Variants in CATSPERB observed in about 807,000 individuals in gnomAD.
The protein encoded by CATSPERB is catsper channel auxiliary subunit beta, also known as cation channel sperm-associated auxiliary subunit beta.
Under a neutral mutation model 128.3 loss-of-function variants are expected in CATSPERB, and 93 were observed. That is an observed-to-expected ratio of 0.72 (90% CI 0.61 to 0.86). The LOEUF (loss-of-function observed/expected upper bound fraction) is 0.86. CATSPERB is among the 40% of genes least tolerant of loss of function. CATSPERB has a pLI of 0.00. For synonymous variants in CATSPERB, 381 were observed against 448.8 expected, an observed-to-expected ratio of 0.85 and a Z score of 1.91; for missense variants, 1,153 against 1,329.5, an observed-to-expected ratio of 0.87 and a Z score of 2.06.
At chr14:91,728,066 T>C (rs1214626868) in intron 2 of CATSPERB, among the ~76,000 whole-genome samples, 1 of 152,186 alleles carries the variant, frequency 6.6e-6, no homozygotes, top group African/African-American at 2.4e-5. Flanking sequence ...CTCTACTTCA[T>C]TTTCTGCCTC....
At chr14:91,672,148 TA>T (rs1453505517) in intron 13 of CATSPERB, among the ~76,000 whole-genome samples, 1 of 152,200 alleles carries the variant, frequency 6.6e-6, no homozygotes, top group East Asian at 1.9e-4. Context: ...CTCCTATTAA[TA>T]TTTTTTTTTC....
At position 91,693,471 on chromosome 14, in the gene CATSPERB, T is replaced by C. The variant is rs746838197; in HGVS notation, c.625A>G (p.Ile209Val). 1 of 1,612,992 alleles carries C rather than the reference T, an allele frequency of 6.2e-7. No individual in the cohort carries two copies. Among genetic ancestry groups the C allele is most frequent in the Admixed American group, 1.7e-5 (1 of 59,896 alleles). ...CAGAATCCACCAAAGGTTATGCCTA[T>C]GTAAACACCTACCATGAAACAAAAG... Reference protein sequence around the residue: ...IVDTIVDGVYIGITFGGFWHD... With the variant: ...IVDTIVDGVYVGITFGGFWHD... Residue 209 changes from isoleucine (I) to valine (V), a missense_variant, in exon 8 of 27, where the codon ATA (isoleucine) becomes GTA (valine). Physicochemically the swap from Ile to Val is conservative, Grantham distance 29 (BLOSUM62 3). Transcript: ENST00000256343.
intron 7 of CATSPERB, among the ~76,000 whole-genome samples, chr14:91,693,742 C>A (rs1047744087): frequency 2.0e-5 from 3 of 152,170 alleles, no homozygotes; most frequent in African/African-American, 7.2e-5. Flanking sequence ...CTTAAAATAT[C>A]TTCCAAATTG....
At chr14:91,674,038 A>T (rs1352370263) in intron 12 of CATSPERB, 138 bp downstream of exon 12, 12 of 576,382 alleles carry the variant, frequency 2.1e-5, no homozygotes, top group Non-Finnish European at 3.7e-5. Flanking sequence ...AAACCCAAGT[A>T]GAAACACCAC....
intron 15 of CATSPERB, among the ~76,000 whole-genome samples, chr14:91,650,096 T>C (rs991309035): frequency 2.0e-5 from 3 of 152,198 alleles, no homozygotes; most frequent in Non-Finnish European, 4.4e-5. Context: ...CTTACAATCA[T>C]TGTCAGCCAG....
chr14:91,594,495 A>T (rs950892091), intron 22 of CATSPERB, among the ~76,000 whole-genome samples: 5 of 152,156 alleles, frequency 3.3e-5, no homozygotes, highest in African/African-American at 1.2e-4. Context: ...AAAGAAAAAA[A>T]AAAAAAGAAG....
chr14:91,708,390 T>G (rs1418184874), intron 5 of CATSPERB, among the ~76,000 whole-genome samples, 154 bp from the exon 6 acceptor site: 1 of 152,210 alleles, frequency 6.6e-6, no homozygotes, highest in Admixed American at 6.5e-5. Flanking sequence ...GTTTTCCCTA[T>G]AAACATTTTG....
intron 15 of CATSPERB, among the ~76,000 whole-genome samples, chr14:91,651,542 T>C (rs1340582500): frequency 5.9e-5 from 9 of 152,364 alleles, no homozygotes; most frequent in Admixed American, 2.0e-4. Context: ...TATAGTGTTT[T>C]TACCTACAGT....
chr14:91,685,139 C>T (rs1895351226), intron 10 of CATSPERB, among the ~76,000 whole-genome samples: 1 of 152,130 alleles, frequency 6.6e-6, no homozygotes, highest in Admixed American at 6.5e-5. Context: ...ATTGCCCAGG[C>T]TAGTCTAGAG....
chr14:91,652,670 C>CAAAAAAAAAAAAAAAAAAAA (rs58608847), intron 15 of CATSPERB, among the ~76,000 whole-genome samples: 1 of 69,166 alleles, frequency 1.4e-5, no homozygotes. Flanking sequence ...GACTCTGTCT[C>CAAAAAAAAAAAAAAAAAAAA]AAAAAAAAAA....
intron 18 of CATSPERB, among the ~76,000 whole-genome samples, 183 bp downstream of exon 18, chr14:91,624,637 T>C (rs960862495): frequency 4.6e-5 from 7 of 150,572 alleles, no homozygotes; most frequent in African/African-American, 1.7e-4. Context: ...CGAGACTCCA[T>C]TGCCAAAAAA....
chr14:91,589,610 C>G lies in CATSPERB; in HGVS notation c.2880G>C (p.Glu960Asp), dbSNP rs139866066. Residue 960 changes from glutamate (E) to aspartate (D), a missense_variant, in exon 24 of 27, where the codon GAG (glutamate) becomes GAC (aspartate). By Grantham distance (45) the Glu-to-Asp change is conservative. Coordinates refer to ENST00000256343, the MANE Select transcript of CATSPERB (RefSeq NM_024764.4). ...QYPVSLEIIN[E>D]DGRVPLQSPY... ...GAGATTGCAATGGGACACGTCCATC[C>G]TCGTTGATAATTTCCAAAGAAACTG... The G allele has an allele frequency of 4.0e-4, 647 of 1,613,858 alleles. No individual in the cohort carries two copies. The highest frequency in any genetic ancestry group is 2.2e-3 in the Admixed American group (134 of 60,022).
rs576852771 is a variant in CATSPERB at position 91,725,049 on chromosome 14, G to T, written c.168+31C>A. 10 of 1,151,628 alleles carry T rather than the reference G, an allele frequency of 8.7e-6. No individual in the cohort carries two copies. In the Admixed American group the frequency reaches 9.0e-5, roughly 10 times the overall value. 71.3% of individuals were successfully genotyped at this position (1,151,628 alleles called of 1,614,324 possible). On this transcript the variant is annotated intron_variant, in intron 3 of 26. Transcript: ENST00000256343. ...ACATGGATTTTAAAGGAACGTGAAG[G>T]GTTATAACACATGCTATTAGTGGAC...
chr14:91,666,027 T>G (rs1361097551), intron 14 of CATSPERB, among the ~76,000 whole-genome samples: 1 of 152,098 alleles, frequency 6.6e-6, no homozygotes, highest in African/African-American at 2.4e-5. Flanking sequence ...GATAGTGAGT[T>G]CTCATGAGAT....
chr14:91,633,819 A>AAT (rs1039832393), intron 17 of CATSPERB, among the ~76,000 whole-genome samples: 10 of 150,190 alleles, frequency 6.7e-5, no homozygotes, highest in East Asian at 1.9e-4. Context: ...GAAATGCTTA[A>AAT]ATATATATAT....
chr14:91,645,914 G>A (rs1361922136), intron 15 of CATSPERB, among the ~76,000 whole-genome samples: 6 of 145,226 alleles, frequency 4.1e-5, no homozygotes, highest in Admixed American at 2.1e-4. Flanking sequence ...CTCGTGGTGC[G>A]CCATTTTTTA....
At chr14:91,634,675 C>T (rs1894338271) in intron 17 of CATSPERB, among the ~76,000 whole-genome samples, 2 of 148,722 alleles carry the variant, frequency 1.3e-5, no homozygotes, top group East Asian at 2.0e-4. Context: ...TACATACACA[C>T]ACACACACCA....
intron 3 of CATSPERB, 125 bp downstream of exon 3, chr14:91,724,955 G>T: frequency 2.4e-6 from 1 of 408,858 alleles, no homozygotes. Flanking sequence ...TATTTATATA[G>T]AATTTTCCCT....
intron 11 of CATSPERB, among the ~76,000 whole-genome samples, chr14:91,680,951 A>G (rs1345112111): frequency 6.6e-6 from 1 of 152,150 alleles, no homozygotes; most frequent in Non-Finnish European, 1.5e-5. Flanking sequence ...GACCACTATT[A>G]ATTATCATAA....
Sources: allele counts gnomAD v4.1 joint callset (sites outside exome capture counted in the v4.1 genomes callset), GRCh38; gene constraint gnomAD v4.1.1; transcripts MANE v1.5; gene names NCBI Gene and HGNC (gene_info 2026-07-23, HGNC 2026-07-21).